CHD3: variants seen among roughly 807,000 people sequenced by gnomAD.
The protein encoded by CHD3 is ATP-dependent chromatin remodeler CHD3.
A neutral mutation model predicts 248.9 loss-of-function variants in CHD3; 52 were observed. The observed-to-expected ratio is 0.21, with a 90% confidence interval of 0.17 to 0.26. The LOEUF (loss-of-function observed/expected upper bound fraction) is 0.26. Among genes scored for constraint, CHD3 ranks in the 10% least tolerant of loss-of-function variants. The pLI, the probability that CHD3 is intolerant of heterozygous loss-of-function variation, is 1.00. For missense variants in CHD3, 1,482 were observed against 2,605.8 expected (o/e 0.57, Z 9.39); for synonymous variants, 985 against 985.2 (o/e 1.00, Z 0.00).
Position 7,903,046 on chromosome 17 carries a change from C to T in CHD3, c.3480C>T (p.Pro1160=). 6.2e-7 allele frequency: 1 copy of T among 1,613,820 alleles called. No individual in the cohort carries two copies. Residue 1160 remains proline (P), a synonymous_variant, in exon 22 of 40, where the codon CCC becomes CCT. Coordinates refer to ENST00000330494, the MANE Select transcript of CHD3 (RefSeq NM_001005273.3). The surrounding 1 kb of genome is among the most constrained non-coding windows in gnomAD (Gnocchi z 6.8). ...TVIIFDSDWN[P]HNDIQAFSRA... is the part of the protein sequence containing the mutation. Reference sequence around the variant, plus strand: ...TCATCTTTGATTCTGACTGGAACCCCCATAATGACATCCAGGTGGGAACTC... The same window carrying T: ...TCATCTTTGATTCTGACTGGAACCCTCATAATGACATCCAGGTGGGAACTC...
chr17:7,909,770 C>T lies in CHD3; in HGVS notation c.5590+432C>T, dbSNP rs1370196017. The T allele has an allele frequency of 1.5e-5, 3 of 199,334 alleles. No homozygotes were observed. Among genetic ancestry groups the T allele is most frequent in the Non-Finnish European group, 3.1e-5 (3 of 98,028 alleles). 12.3% of individuals were successfully genotyped at this position (199,334 alleles called of 1,614,324 possible). A position where few individuals can be genotyped will look rare whatever the true frequency, so the allele number is the denominator to read the frequency against. On this transcript the variant is annotated intron_variant, in intron 37 of 39. Transcript: ENST00000330494. The surrounding 1 kb of genome is among the most constrained non-coding windows in gnomAD (Gnocchi z 8.1). ...ACCCCATAAGGCAGAAACTACCACC[C>T]ATCCAACCCTCTGGCCTTACCCCAT...
chr17:7,885,126 C>A (rs1429889106), upstream of CHD3: 5 of 981,202 alleles, frequency 5.1e-6, no homozygotes, highest in Non-Finnish European at 6.0e-6. Flanking sequence ...CGAGTGGGAG[C>A]CGCGGGCGCG....
At chr17:7,886,668 A>C (rs1385910515), upstream of CHD3, among the ~76,000 whole-genome samples, 1 of 152,126 alleles carries the variant, frequency 6.6e-6, no homozygotes, top group Non-Finnish European at 1.5e-5. The surrounding 1 kb of genome is among the most constrained non-coding windows in gnomAD (Gnocchi z 4.2). Flanking sequence ...CTGCCTTGGC[A>C]GGAGGAGGAG....
intron 10 of CHD3, among the ~76,000 whole-genome samples, chr17:7,896,570 T>C (rs1242685064): frequency 6.6e-6 from 1 of 151,494 alleles, no homozygotes; most frequent in Middle Eastern, 3.2e-3. Flanking sequence ...CACGCTTGGC[T>C]AATTTTGTAT....
rs376704763 is a variant in CHD3 at position 7,906,935 on chromosome 17, G to A, written c.4570G>A (p.Asp1524Asn). 8.7e-6 allele frequency: 14 copies of A among 1,613,950 alleles called. No individual in the cohort carries two copies. The highest frequency in any genetic ancestry group is 2.7e-5 in the African/African-American group (2 of 74,874). ...MPELMPDPSA[D>N]SKRSSRASSP... ...GGAACTGATGCCTGACCCCAGCGCCGATTCTAAGCGCTCCTCCAGAGCCTC... is the reference window on the plus strand; with the variant it reads ...GGAACTGATGCCTGACCCCAGCGCCAATTCTAAGCGCTCCTCCAGAGCCTC... Residue 1524 changes from aspartate (D) to asparagine (N), a missense_variant, in exon 30 of 40, where the codon GAT becomes AAT. Coordinates refer to ENST00000330494, the MANE Select transcript of CHD3 (RefSeq NM_001005273.3). This position sits in a 1 kb window ranked among gnomAD's most constrained non-coding sequence, Gnocchi z 5.0.
intron 4 of CHD3, among the ~76,000 whole-genome samples, chr17:7,891,816 A>T (rs570818348): frequency 1.3e-5 from 2 of 151,238 alleles, no homozygotes; most frequent in African/African-American, 4.9e-5. Context: ...AGCCGAGATC[A>T]CACCACTGCT....
intron 20 of CHD3, 39 bp from the exon 21 acceptor site, chr17:7,902,571 C>T (rs1970444595): frequency 7.3e-7 from 1 of 1,361,710 alleles, no homozygotes; most frequent in African/African-American, 1.4e-5. Context: ...CATCCCACCA[C>T]CTCATTATTG....
Position 7,894,466 on chromosome 17 carries a change from C to G in CHD3, c.1127C>G (p.Thr376Arg). Reference protein sequence around the residue: ...AGEEEVDGYETDHQDYCEVCQ... With the variant: ...AGEEEVDGYERDHQDYCEVCQ... Reference sequence around the variant, plus strand: ...GAGGAGGAGGTTGATGGCTACGAGACGGATCACCAGGATTACTGTGAGGTG... The same window carrying G: ...GAGGAGGAGGTTGATGGCTACGAGAGGGATCACCAGGATTACTGTGAGGTG... The change falls in exon 8 of 40, where the codon ACG becomes AGG. Residue 376 changes from threonine (T) to arginine (R), a missense_variant. Coordinates refer to ENST00000330494, the MANE Select transcript of CHD3 (RefSeq NM_001005273.3). 6.2e-7 allele frequency: 1 copy of G among 1,614,080 alleles called. No homozygotes were observed. Among genetic ancestry groups the G allele is most frequent in the Non-Finnish European group, 8.5e-7 (1 of 1,179,984 alleles).
In CHD3 at chr17:7,907,540, C is replaced by T. The variant is rs775691801; in HGVS notation, c.4924+52C>T. The T allele has an allele frequency of 1.3e-6, 2 of 1,532,906 alleles. No homozygotes were observed. Among genetic ancestry groups the T allele is most frequent in the African/African-American group, 2.8e-5 (2 of 72,186 alleles). 95.0% of individuals were successfully genotyped at this position (1,532,906 alleles called of 1,614,324 possible). A position where few individuals can be genotyped will look rare whatever the true frequency, so the allele number is the denominator to read the frequency against. Reference sequence around the variant, plus strand: ...GGGGATTAGAATTTGGGATTTCCCTCTTCTGGGGTCAGGGGATGAGGGTAA... The same window carrying T: ...GGGGATTAGAATTTGGGATTTCCCTTTTCTGGGGTCAGGGGATGAGGGTAA... On this transcript the variant is annotated intron_variant, in intron 32 of 39. Coordinates refer to ENST00000330494, the MANE Select transcript of CHD3 (RefSeq NM_001005273.3). This position sits in a 1 kb window ranked among gnomAD's most constrained non-coding sequence, Gnocchi z 4.3.
Position 7,909,163 on chromosome 17 carries a change from G to A in CHD3, c.5415G>A (p.Val1805=), listed in dbSNP as rs1453342104. 6.4e-7 allele frequency: 1 copy of A among 1,556,734 alleles called. No homozygotes were observed. Residue 1805 remains valine (V), a synonymous_variant, in exon 37 of 40, where the codon GTG becomes GTA. Transcript: ENST00000330494. The surrounding 1 kb of genome is among the most constrained non-coding windows in gnomAD (Gnocchi z 8.1). ...CTCAGCTCCTGGAGCAGGCGCTGGT[G>A]ATTGAGGAGCAGCTGCGGCGGGCGG... ...RRFKLLEQAL[V]IEEQLRRAAY... is the part of the protein sequence containing the mutation.
chr17:7,903,203 G>C lies in CHD3; in HGVS notation c.3496-69G>C. ...TTCTTCAGCAGCCTTCTTTCCTGAG[G>C]CAGCTCTATGGGCAGCTTCTCCCCG... On this transcript the variant is annotated intron_variant, in intron 22 of 39. Coordinates refer to ENST00000330494, the MANE Select transcript of CHD3 (RefSeq NM_001005273.3). The surrounding 1 kb of genome is among the most constrained non-coding windows in gnomAD (Gnocchi z 6.8). The C allele has an allele frequency of 1.3e-6, 2 of 1,580,088 alleles. No individual in the cohort carries two copies. Among genetic ancestry groups the C allele is most frequent in the Non-Finnish European group, 1.7e-6 (2 of 1,153,776 alleles).
Position 7,906,738 on chromosome 17 carries a change from C to T in CHD3, c.4503+41C>T, listed in dbSNP as rs1200827168. 6.3e-7 allele frequency: 1 copy of T among 1,585,950 alleles called. No homozygotes were observed. Among genetic ancestry groups the T allele is most frequent in the Admixed American group, 1.7e-5 (1 of 57,622 alleles). ...TCACCCAAAGAATCAAGCTGGCTGCCTAGTCTCTGTCCTTCCTCTGCCTCT... is the reference window on the plus strand; with the variant it reads ...TCACCCAAAGAATCAAGCTGGCTGCTTAGTCTCTGTCCTTCCTCTGCCTCT... On this transcript the variant is annotated intron_variant, in intron 29 of 39. Transcript: ENST00000330494. This position sits in a 1 kb window ranked among gnomAD's most constrained non-coding sequence, Gnocchi z 5.0.
chr17:7,893,219 G>A, intron 4 of CHD3, 67 bp from the exon 5 acceptor site: 1 of 1,493,286 alleles, frequency 6.7e-7, no homozygotes. Flanking sequence ...TTTAATTGAT[G>A]AGGGGAGATG....
chr17:7,901,355 C>T lies in CHD3; in HGVS notation c.3232C>T (p.Arg1078Ter), dbSNP rs1162533033. 1 of 1,611,792 alleles carries T rather than the reference C, an allele frequency of 6.2e-7. No individual in the cohort carries two copies. The highest frequency in any genetic ancestry group is 8.5e-7 in the Non-Finnish European group (1 of 1,178,608). ...GCGAAAGCTGAAGGAGCAAGGACAC[C>T]GAGTGCTCATCTTCTCGCAGGTGAC... is the stretch of plus-strand genomic sequence containing the variant. The part of the protein sequence containing the change: ...MLRKLKEQGH[R>*]VLIFSQMTKM... Residue 1078 changes from arginine (R) to a stop codon, truncating the protein, a stop_gained, in exon 20 of 40, where the codon CGA (arginine) becomes TGA (stop). Coordinates refer to ENST00000330494, the MANE Select transcript of CHD3 (RefSeq NM_001005273.3). LOFTEE classifies it high-confidence loss of function.
Position 7,907,567 on chromosome 17 carries a change from A to G in CHD3, c.4925-34A>G. 6.6e-7 allele frequency: 1 copy of G among 1,520,348 alleles called. No homozygotes were observed. The highest frequency in any genetic ancestry group is 1.8e-4 in the Middle Eastern group (1 of 5,646). 94.2% of individuals were successfully genotyped at this position (1,520,348 alleles called of 1,614,324 possible). A position where few individuals can be genotyped will look rare whatever the true frequency, so the allele number is the denominator to read the frequency against. On this transcript the variant is annotated intron_variant, in intron 32 of 39. Transcript: ENST00000330494. This position sits in a 1 kb window ranked among gnomAD's most constrained non-coding sequence, Gnocchi z 4.3. ...TCTGGGGTCAGGGGATGAGGGTAAC[A>G]TCCTCCCTTCCTATCCCCTACCCCC...
rs942881291 is a variant in CHD3 at position 7,899,802 on chromosome 17, T to C, written c.2545-94T>C. On this transcript the variant is annotated intron_variant, in intron 15 of 39. Transcript: ENST00000330494. The surrounding 1 kb of genome is among the most constrained non-coding windows in gnomAD (Gnocchi z 6.8). ...TTGGAGAACAGAGTAATGGCTCCTG[T>C]TGGGAGCCACAGTCAGGACAAGGTG... is the stretch of plus-strand genomic sequence containing the variant. 34 of 1,448,906 alleles carry C rather than the reference T, an allele frequency of 2.3e-5. No homozygotes were observed. The highest frequency in any genetic ancestry group is 2.7e-5 in the Non-Finnish European group (28 of 1,051,604). The allele number at this position is 1,448,906 out of a possible 1,614,324, so 89.8% of individuals were successfully genotyped here.
intron 21 of CHD3, 68 bp downstream of exon 21, chr17:7,902,795 TGGG>T: frequency 1.3e-6 from 2 of 1,582,594 alleles, no homozygotes; most frequent in Non-Finnish European, 1.7e-6. Context: ...GTCCCTGGGA[TGGG>T]AGGGGGACTG....
chr17:7,909,508 C>T lies in CHD3; in HGVS notation c.5590+170C>T. ...CTGGCACCCCCTTGGATTTTAGCCT[C>T]TAGGACTTGTGCAAGCCAACCCTCA... On this transcript the variant is annotated intron_variant, in intron 37 of 39. Coordinates refer to ENST00000330494, the MANE Select transcript of CHD3 (RefSeq NM_001005273.3). This position sits in a 1 kb window ranked among gnomAD's most constrained non-coding sequence, Gnocchi z 8.1. The T allele has an allele frequency of 2.0e-6, 2 of 1,016,568 alleles. No homozygotes were observed. Among genetic ancestry groups the T allele is most frequent in the Non-Finnish European group, 2.8e-6 (2 of 723,210 alleles). 63.0% of individuals were successfully genotyped at this position (1,016,568 alleles called of 1,614,324 possible). A position where few individuals can be genotyped will look rare whatever the true frequency, so the allele number is the denominator to read the frequency against.
Position 7,899,839 on chromosome 17 carries a change from A to G in CHD3, c.2545-57A>G. Reference sequence around the variant, plus strand: ...GTCAGGACAAGGTGTCTGGTTCTGGAGGTGTAGGTGCATGGTTGTCAGGTG... The same window carrying G: ...GTCAGGACAAGGTGTCTGGTTCTGGGGGTGTAGGTGCATGGTTGTCAGGTG... On this transcript the variant is annotated intron_variant, in intron 15 of 39. Coordinates refer to ENST00000330494, the MANE Select transcript of CHD3 (RefSeq NM_001005273.3). The surrounding 1 kb of genome is among the most constrained non-coding windows in gnomAD (Gnocchi z 6.8). The G allele has an allele frequency of 6.3e-7, 1 of 1,589,050 alleles. No homozygotes were observed. Among genetic ancestry groups the G allele is most frequent in the South Asian group, 1.1e-5 (1 of 88,864 alleles).
Sources: gnomAD v4.1 joint callset for allele counts (sites outside exome capture counted in the v4.1 genomes callset) on GRCh38, gnomAD v4.1.1 for gene constraint, Gnocchi (gnomAD v3.1) non-coding constraint, MANE v1.5 for transcripts, NCBI Gene and HGNC (gene_info 2026-07-23, HGNC 2026-07-21) for gene names.